The following FAM83D variants were observed in gnomAD, a reference collection of about 807,000 sequenced individuals.
The protein encoded by FAM83D is protein FAM83D.
FAM83D carries 26 observed loss-of-function variants against 25.4 expected under a neutral mutation model. The observed-to-expected ratio is 1.02, with a 90% CI of 0.75 to 1.42. The LOEUF (loss-of-function observed/expected upper bound fraction) is 1.42. Ranked by LOEUF, FAM83D falls within the 40% of genes most tolerant of loss-of-function variation. The pLI is 0.00. For missense variants in FAM83D, 740 were observed against 758.1 expected, an observed-to-expected ratio of 0.98 and a Z score of 0.28; for synonymous variants, 310 against 318.5, an observed-to-expected ratio of 0.97 and a Z score of 0.28.
At chr20:38,930,481 TTTG>T (rs1172291858) in intron 1 of FAM83D, among the ~76,000 whole-genome samples, 1 of 151,754 alleles carries the variant, frequency 6.6e-6, no homozygotes, top group African/African-American at 2.4e-5. Flanking sequence ...TTTTTTGTTG[TTTG>T]TTATTATTTT....
chr20:38,929,850 C>T (rs2085651920), intron 1 of FAM83D, among the ~76,000 whole-genome samples: 1 of 151,564 alleles, frequency 6.6e-6, no homozygotes, highest in Admixed American at 6.6e-5. Context: ...TAGGTGATCC[C>T]AAGGAAGGTG....
intron 2 of FAM83D, among the ~76,000 whole-genome samples, chr20:38,945,454 A>G (rs1288258201): frequency 1.3e-5 from 2 of 152,306 alleles, no homozygotes; most frequent in Non-Finnish European, 2.9e-5. Context: ...CAAAAATAAT[A>G]TAAGAAATTC....
intron 1 of FAM83D, among the ~76,000 whole-genome samples, chr20:38,941,546 T>A (rs1468863241): frequency 6.6e-6 from 1 of 152,168 alleles, no homozygotes; most frequent in Non-Finnish European, 1.5e-5. Context: ...TGAAGCCTGG[T>A]GGGGAAAGCA....
rs773329651 is a variant in FAM83D, at chr20:38,926,441, C to T, written c.-2C>T. ...CGAGGGCTGTCGAGTCCGAGCGCCGCCATGGCTCTGCTGTCCGAGGGCCTG... is the reference window on the plus strand; with the variant it reads ...CGAGGGCTGTCGAGTCCGAGCGCCGTCATGGCTCTGCTGTCCGAGGGCCTG... On this transcript the variant is annotated 5_prime_UTR_variant, in exon 1 of 4. Transcript: ENST00000619850. The T allele has an allele frequency of 6.9e-6, 11 of 1,598,420 alleles. No individual in the cohort carries two copies. Among genetic ancestry groups the T allele is most frequent in the African/African-American group, 2.7e-5 (2 of 74,634 alleles).
rs183566764 is a variant in FAM83D, at chr20:38,927,481, C to T, written c.483+556C>T. On this transcript the variant is annotated intron_variant, in intron 1 of 3. Coordinates refer to ENST00000619850, the MANE Select transcript of FAM83D (RefSeq NM_030919.3). ...GAGAGTGGCAAAGTGAGAGCCCTGC[C>T]GCTTTTTCTTTCTTGTCTTTTTTTT... 1.1e-4 allele frequency among the ~76,000 whole-genome samples: 17 copies of T among 150,322 alleles called. No individual in the cohort carries two copies. In the East Asian group the frequency reaches 2.1e-3, roughly 19 times the overall value.
intron 2 of FAM83D, among the ~76,000 whole-genome samples, chr20:38,945,547 A>G (rs750409800): frequency 6.6e-6 from 1 of 152,180 alleles, no homozygotes; most frequent in Non-Finnish European, 1.5e-5. Flanking sequence ...AATAAACTTG[A>G]TATCAATACT....
At chr20:38,939,336 T>TTTTTGTTTTG (rs149322014) in intron 1 of FAM83D, among the ~76,000 whole-genome samples, 1 of 151,552 alleles carries the variant, frequency 6.6e-6, no homozygotes, top group African/African-American at 2.4e-5. Flanking sequence ...AGACACCTTG[T>TTTTTGTTTTG]TTTTGTTTTG....
intron 1 of FAM83D, among the ~76,000 whole-genome samples, chr20:38,935,472 T>C (rs2085674877): frequency 6.6e-6 from 1 of 152,246 alleles, no homozygotes; most frequent in Non-Finnish European, 1.5e-5. Flanking sequence ...AGACAAGTTC[T>C]CATTCTGTTG....
chr20:38,946,083 G>A (rs777838753), intron 2 of FAM83D, among the ~76,000 whole-genome samples: 84 of 151,754 alleles, frequency 5.5e-4, no homozygotes, highest in South Asian at 4.2e-4. Flanking sequence ...GATGGCAGGT[G>A]CCTGTAGTCT....
chr20:38,932,039 T>C (rs1376154539), intron 1 of FAM83D, among the ~76,000 whole-genome samples: 2 of 152,250 alleles, frequency 1.3e-5, no homozygotes, highest in Non-Finnish European at 1.5e-5. Flanking sequence ...TGTTTCTATA[T>C]ACCTTTCAAA....
Position 38,952,133 on chromosome 20 carries a change from A to AGGG in FAM83D, c.1371_1372insGGG (p.Gln457_Ser458insGly). 6.2e-7 allele frequency: 1 copy of AGGG among 1,614,188 alleles called. No individual in the cohort carries two copies. Among genetic ancestry groups the AGGG allele is most frequent in the Non-Finnish European group, 8.5e-7 (1 of 1,180,032 alleles). On this transcript the variant is annotated inframe_insertion, in exon 4 of 4. Transcript: ENST00000619850. Reference sequence around the variant, plus strand: ...ACATTCTCTTTCCTCGAGGAACTCAATCTACAGAAGGGTCACCAGTCTCAA... The same window carrying AGGG: ...ACATTCTCTTTCCTCGAGGAACTCAAGGGTCTACAGAAGGGTCACCAGTCTCAA...
chr20:38,926,676 G>C lies in FAM83D; in HGVS notation c.234G>C (p.Glu78Asp), dbSNP rs973345415. 15 of 1,524,296 alleles carry C rather than the reference G, an allele frequency of 9.8e-6. No homozygotes were observed. The Admixed American group carries it at 2.5e-4, about 25-fold the overall frequency. 94.4% of individuals were successfully genotyped at this position (1,524,296 alleles called of 1,614,324 possible). A position where few individuals can be genotyped will look rare whatever the true frequency, so the allele number is the denominator to read the frequency against. The change falls in exon 1 of 4, where the codon GAG becomes GAC. Residue 78 changes from glutamate (E) to aspartate (D), a missense_variant. Glu to Asp is a conservative substitution (Grantham distance 45). Transcript: ENST00000619850. ...ILRAAERPGE[E>D]GAAAAAAAED... ...GCGCGGCGGAGAGGCCGGGAGAGGA[G>C]GGCGCGGCGGCGGCGGCGGCGGCCG...
chr20:38,948,668 C>T (rs143618690), intron 3 of FAM83D, among the ~76,000 whole-genome samples: 7 of 152,272 alleles, frequency 4.6e-5, no homozygotes, highest in East Asian at 3.9e-4. Flanking sequence ...GCCGCCTCTG[C>T]GGTAGATTGT....
intron 1 of FAM83D, among the ~76,000 whole-genome samples, chr20:38,930,642 AG>A (rs1357441084): frequency 1.3e-5 from 2 of 150,442 alleles, no homozygotes; most frequent in Non-Finnish European, 3.0e-5. Context: ...CACCATGCCC[AG>A]CTAATTTTTT....
intron 3 of FAM83D, 118 bp downstream of exon 3, chr20:38,948,118 G>T: frequency 8.0e-7 from 1 of 1,244,614 alleles, no homozygotes; most frequent in Non-Finnish European, 1.1e-6. Flanking sequence ...ATTCTGATAT[G>T]CGTGCATCTG....
chr20:38,943,541 A>G (rs2085712349), intron 2 of FAM83D, among the ~76,000 whole-genome samples: 1 of 152,190 alleles, frequency 6.6e-6, no homozygotes, highest in South Asian at 2.1e-4. Flanking sequence ...ATTTCTCATT[A>G]TTGTAAAATT....
intron 1 of FAM83D, among the ~76,000 whole-genome samples, chr20:38,927,558 G>C: frequency 7.0e-6 from 1 of 142,198 alleles, no homozygotes; most frequent in East Asian, 2.1e-4. Context: ...GAGTGAAGTG[G>C]TGGGATCTCA....
rs1453996734 is a variant in FAM83D at position 38,926,813 on chromosome 20, C to T, written c.371C>T (p.Ala124Val). 6 of 1,538,792 alleles carry T rather than the reference C, an allele frequency of 3.9e-6. No individual in the cohort carries two copies. The highest frequency in any genetic ancestry group is 5.2e-6 in the Non-Finnish European group (6 of 1,147,822). The change falls in exon 1 of 4, where the codon GCC (alanine) becomes GTC (valine). Residue 124 changes from alanine to valine, a missense_variant. By Grantham distance (64) the Ala-to-Val change is moderately conservative. This residue lies in a region of FAM83D where 333 missense variants were observed against 298.6 expected (regional missense o/e 1.12). Transcript: ENST00000619850. ...ELGWPAFYQG[A>V]YRGATRVETH... ...GGCTGGCCCGCCTTCTACCAGGGCG[C>T]CTACCGCGGCGCCACGCGTGTCGAG...
In FAM83D at chr20:38,926,911, C is replaced by A. The variant is rs765290550; in HGVS notation, c.469C>A (p.Arg157Ser). The change falls in exon 1 of 4, where the codon CGC becomes AGC. Residue 157 changes from arginine (R) to serine (S), a missense_variant. By Grantham distance (110) the Arg-to-Ser change is moderately radical (BLOSUM62 -1). Transcript: ENST00000619850. ...CAAGGACGCTCTGCGCCAGCAGCTC[C>A]GCTCGGCGCGAGAGGTGAGCGGCCC... ...GCKDALRQQLRSAREVIAVVM... is the reference protein window; with the variant it reads ...GCKDALRQQLSSAREVIAVVM... The A allele has an allele frequency of 4.1e-6, 6 of 1,461,566 alleles. No individual in the cohort carries two copies. In the African/African-American group the frequency reaches 8.7e-5, roughly 21 times the overall value. 90.5% of individuals were successfully genotyped at this position (1,461,566 alleles called of 1,614,324 possible).
Sources: allele counts gnomAD v4.1 joint callset (sites outside exome capture counted in the v4.1 genomes callset), GRCh38; gene constraint gnomAD v4.1.1; regional missense constraint gnomAD v4.1.1; transcripts MANE v1.5; gene names NCBI Gene and HGNC (gene_info 2026-07-23, HGNC 2026-07-21).